Variants in CCSER1 observed in about 807,000 individuals in gnomAD.
The protein encoded by CCSER1 is coiled-coil serine rich protein 1.
In CCSER1, 41 loss-of-function variants were observed where a neutral mutation model predicts 82.0. The ratio of observed to expected loss-of-function variants is 0.50; its 90% CI spans 0.39 to 0.65. The LOEUF is 0.65. CCSER1 is among the 30% of genes least tolerant of loss of function. CCSER1 has a pLI of 0.00. For synonymous variants in CCSER1, 414 were observed against 383.9 expected (o/e 1.08, Z -0.92); for missense variants, 1,119 against 1,064.2 (o/e 1.05, Z -0.72).
chr4:91,084,419 C>T (rs184222207), intron 9 of CCSER1, among the ~76,000 whole-genome samples: 1 of 152,174 alleles, frequency 6.6e-6, no homozygotes, highest in East Asian at 1.9e-4. Context: ...TATTTATTAT[C>T]ATTTTTCAGT....
At chr4:91,214,213 A>G (rs963394056) in intron 10 of CCSER1, among the ~76,000 whole-genome samples, 1 of 152,166 alleles carries the variant, frequency 6.6e-6, no homozygotes, top group Non-Finnish European at 1.5e-5. Context: ...TGCCTAACCA[A>G]TGTATGAAAC....
chr4:91,365,771 C>T (rs767307167), intron 10 of CCSER1, among the ~76,000 whole-genome samples: 1 of 152,098 alleles, frequency 6.6e-6, no homozygotes, highest in Non-Finnish European at 1.5e-5. Flanking sequence ...AGAGGGAGAT[C>T]TGCATGAACC....
At chr4:90,233,344 A>T (rs866610247) in intron 1 of CCSER1, among the ~76,000 whole-genome samples, 1 of 152,138 alleles carries the variant, frequency 6.6e-6, no homozygotes, top group Non-Finnish European at 1.5e-5. Context: ...GAAATTGGAA[A>T]TCATCATTCT....
intron 10 of CCSER1, among the ~76,000 whole-genome samples, chr4:91,127,284 T>A (rs750192432): frequency 8.6e-5 from 13 of 151,936 alleles, no homozygotes; most frequent in Non-Finnish European, 1.8e-4. Context: ...TGAAAAAAAT[T>A]GAGAGATCCT....
chr4:90,872,608 T>C (rs538413626), intron 8 of CCSER1, among the ~76,000 whole-genome samples: 1 of 152,122 alleles, frequency 6.6e-6, no homozygotes, highest in South Asian at 2.1e-4. Context: ...TTTCGATTGG[T>C]TCATCTTTTA....
At chr4:91,011,941 G>C (rs1329589523) in intron 9 of CCSER1, among the ~76,000 whole-genome samples, 1 of 134,958 alleles carries the variant, frequency 7.4e-6, no homozygotes, top group East Asian at 2.4e-4. Flanking sequence ...TGTTTCTGCA[G>C]CTTAGACTCT....
chr4:91,474,765 G>GTA lies in CCSER1; in HGVS notation c.2218-123806_2218-123805insAT, dbSNP rs1345339551. Reference sequence around the variant, plus strand: ...CATGCACACACACACACACATGTGTGTGTATATATATATATATTTGTGTAT... The same window carrying GTA: ...CATGCACACACACACACACATGTGTGTATGTATATATATATATATTTGTGTAT... On this transcript the variant is annotated intron_variant, in intron 10 of 10. Coordinates refer to ENST00000509176, the MANE Select transcript of CCSER1 (RefSeq NM_001145065.2). 2.2e-3 allele frequency among the ~76,000 whole-genome samples: 293 copies of GTA among 134,798 alleles called. 5 individuals are homozygous for GTA. The highest frequency in any genetic ancestry group is 0.021 in the South Asian group (89 of 4,288). The allele number at this position is 134,798 out of a possible 152,430, so 88.4% of individuals were successfully genotyped here. A position where few individuals can be genotyped will look rare whatever the true frequency, so the allele number is the denominator to read the frequency against.
At chr4:90,886,537 A>C (rs1722147032) in intron 8 of CCSER1, among the ~76,000 whole-genome samples, 1 of 152,226 alleles carries the variant, frequency 6.6e-6, no homozygotes, top group Non-Finnish European at 1.5e-5. Flanking sequence ...ACTTGTAAGA[A>C]GATCTTTATC....
rs9999898 is a variant in CCSER1 at position 90,327,701 on chromosome 4, G to A, written c.1509+14654G>A. Among the ~76,000 whole-genome samples, 1,091 of 152,144 alleles carry A rather than the reference G, an allele frequency of 7.2e-3. 11 individuals are homozygous for A. Among genetic ancestry groups the A allele is most frequent in the African/African-American group, 0.025 (1,053 of 41,484 alleles). ...AATTCCGTGTTAGGGGGACTGTGTT[G>A]TGCATTGCAGGATGTTAAATAGCAT... On this transcript the variant is annotated intron_variant, in intron 3 of 10. Transcript: ENST00000509176.
chr4:90,323,567 C>A (rs1375218686), intron 3 of CCSER1, among the ~76,000 whole-genome samples: 1 of 152,198 alleles, frequency 6.6e-6, no homozygotes, highest in African/African-American at 2.4e-5. Context: ...AATCACTTCA[C>A]TCTCCCTCCC....
intron 5 of CCSER1, among the ~76,000 whole-genome samples, chr4:90,611,059 C>CTTTTTTTTTTTTTTTTTTTTTTTTTTTTT (rs201354908): frequency 4.3e-5 from 4 of 93,808 alleles, no homozygotes; most frequent in African/African-American, 2.2e-4. Context: ...CTTTTCTTTT[C>CTTTTTTTTTTTTTTTTTTTTTTTTTTTTT]TTTTTTTTTT....
In CCSER1 at chr4:90,835,439, A is replaced by G. The variant is rs577118244; in HGVS notation, c.2094+19594A>G. Reference sequence around the variant, plus strand: ...GAGCTTCTAAATGCAATGCTATTGGACGTATTTGCCACTTCATATTTAAGG... The same window carrying G: ...GAGCTTCTAAATGCAATGCTATTGGGCGTATTTGCCACTTCATATTTAAGG... On this transcript the variant is annotated intron_variant, in intron 8 of 10. Transcript: ENST00000509176. Among the ~76,000 whole-genome samples the G allele has an allele frequency of 2.0e-5, 3 of 152,282 alleles. No homozygotes were observed. The East Asian group carries it at 5.8e-4, about 29-fold the overall frequency.
At chr4:90,606,897 G>T (rs1444477586) in intron 5 of CCSER1, among the ~76,000 whole-genome samples, 1 of 152,122 alleles carries the variant, frequency 6.6e-6, no homozygotes. Flanking sequence ...CTGGGCTTTT[G>T]CATTTCCACA....
At chr4:90,238,378 G>A (rs1176015615) in intron 1 of CCSER1, among the ~76,000 whole-genome samples, 2 of 152,180 alleles carry the variant, frequency 1.3e-5, no homozygotes, top group Non-Finnish European at 2.9e-5. Flanking sequence ...AGGTCTTAAT[G>A]AAGTAAAGCT....
intron 10 of CCSER1, among the ~76,000 whole-genome samples, chr4:91,358,549 A>G (rs544303348): frequency 6.6e-6 from 1 of 152,230 alleles, no homozygotes; most frequent in Non-Finnish European, 1.5e-5. Flanking sequence ...ATTCCAGCCA[A>G]GTCAAAACCA....
intron 7 of CCSER1, among the ~76,000 whole-genome samples, chr4:90,739,871 T>G (rs1746261044): frequency 6.6e-6 from 1 of 152,186 alleles, no homozygotes; most frequent in Non-Finnish European, 1.5e-5. Context: ...AATTCAAAAC[T>G]GTCTTTCTTA....
At chr4:90,881,450 T>C (rs960041950) in intron 8 of CCSER1, among the ~76,000 whole-genome samples, 3 of 152,186 alleles carry the variant, frequency 2.0e-5, no homozygotes, top group African/African-American at 7.2e-5. Context: ...TTGGTCCTTA[T>C]GATTATCCTC....
chr4:90,142,535 G>T (rs951807322), intron 1 of CCSER1, among the ~76,000 whole-genome samples: 2 of 152,026 alleles, frequency 1.3e-5, no homozygotes, highest in East Asian at 3.9e-4. Flanking sequence ...ATCATATTTA[G>T]CTTTGCCAAA....
intron 1 of CCSER1, among the ~76,000 whole-genome samples, chr4:90,279,594 T>G (rs1560937555): frequency 6.6e-6 from 1 of 152,042 alleles, no homozygotes; most frequent in Non-Finnish European, 1.5e-5. Context: ...TTTTTCTGCT[T>G]CTCGCTGCAC....
Sources: gnomAD v4.1 joint callset for allele counts (sites outside exome capture counted in the v4.1 genomes callset) on GRCh38, gnomAD v4.1.1 for gene constraint, MANE v1.5 for transcripts, NCBI Gene and HGNC (gene_info 2026-07-23, HGNC 2026-07-21) for gene names.